The following NAALADL2 variants were observed in gnomAD, a reference collection of about 807,000 sequenced individuals.
NAALADL2 encodes inactive N-acetylated-alpha-linked acidic dipeptidase-like protein 2.
In NAALADL2, 76 loss-of-function variants were observed where a neutral mutation model predicts 87.2. The observed-to-expected ratio is 0.87, with a 90% CI of 0.72 to 1.05. The LOEUF is 1.05. NAALADL2 is among the 50% of genes least tolerant of loss of function. NAALADL2 has a pLI of 0.00. For synonymous variants in NAALADL2, 354 were observed against 331.0 expected, an observed-to-expected ratio of 1.07 and a Z score of -0.75; for missense variants, 1,089 against 945.8, an observed-to-expected ratio of 1.15 and a Z score of -1.99.
chr3:175,266,638 T>TAA (rs1751973680), intron 4 of NAALADL2, among the ~76,000 whole-genome samples: 1 of 151,808 alleles, frequency 6.6e-6, no homozygotes, highest in East Asian at 1.9e-4. Flanking sequence ...ACTCCTTTTA[T>TAA]AATTCTTATA....
At chr3:175,045,893 C>G (rs1045594781) in intron 1 of NAALADL2, among the ~76,000 whole-genome samples, 1 of 151,996 alleles carries the variant, frequency 6.6e-6, no homozygotes, top group African/African-American at 2.4e-5. Flanking sequence ...TTTTACTATT[C>G]GAGTATTCTT....
chr3:175,147,604 A>G lies in NAALADL2; in HGVS notation c.545+50313A>G, dbSNP rs528124815. Among the ~76,000 whole-genome samples the G allele has an allele frequency of 2.0e-5, 3 of 151,828 alleles. No homozygotes were observed. The South Asian group carries it at 6.2e-4, about 32-fold the overall frequency. On this transcript the variant is annotated intron_variant, in intron 2 of 13. Transcript: ENST00000454872. Reference sequence around the variant, plus strand: ...CAGTTTATTTTTGGGGGGGGTATATACTCAATAATGGGATTACTCGGTTGA... The same window carrying G: ...CAGTTTATTTTTGGGGGGGGTATATGCTCAATAATGGGATTACTCGGTTGA...
At chr3:174,824,238 AC>A (rs2109342280) in intron 3 of NAALADL2, among the ~76,000 whole-genome samples, 1 of 152,286 alleles carries the variant, frequency 6.6e-6, no homozygotes, top group Admixed American at 6.5e-5. Flanking sequence ...GTAAAATTTA[AC>A]ATTTTAATTT....
At chr3:174,622,200 T>C (rs1196578497) in intron 2 of NAALADL2, among the ~76,000 whole-genome samples, 4 of 152,188 alleles carry the variant, frequency 2.6e-5, no homozygotes, top group African/African-American at 9.7e-5. Context: ...CAAATGGATT[T>C]CTGGAATAAA....
intron 2 of NAALADL2, among the ~76,000 whole-genome samples, chr3:174,610,415 A>C (rs891428407): frequency 1.9e-4 from 29 of 151,894 alleles, no homozygotes; most frequent in African/African-American, 6.5e-4. Flanking sequence ...CAACCTACTC[A>C]TCTGACAAAG....
intron 9 of NAALADL2, among the ~76,000 whole-genome samples, chr3:175,478,496 CAA>C (rs982194779): frequency 6.6e-6 from 1 of 151,870 alleles, no homozygotes; most frequent in African/African-American, 2.4e-5. Context: ...ATTTAGATAA[CAA>C]GAGAAGTCTT....
intron 11 of NAALADL2, among the ~76,000 whole-genome samples, chr3:175,664,287 A>G (rs193284241): frequency 4.6e-5 from 7 of 152,196 alleles, no homozygotes; most frequent in Non-Finnish European, 7.4e-5. Context: ...TTTGGAAAAA[A>G]CAAACTTATT....
At chr3:174,917,536 T>C (rs1734576402) in intron 1 of NAALADL2, among the ~76,000 whole-genome samples, 1 of 152,124 alleles carries the variant, frequency 6.6e-6, no homozygotes, top group South Asian at 2.1e-4. Flanking sequence ...ATCTGCTGAA[T>C]ACTATTATTT....
chr3:174,521,909 C>G (rs962744403), intron 1 of NAALADL2, among the ~76,000 whole-genome samples: 3 of 152,000 alleles, frequency 2.0e-5, no homozygotes, highest in African/African-American at 7.3e-5. Context: ...TGTAACAAAT[C>G]TGCACATATG....
chr3:175,047,331 A>G lies in NAALADL2; in HGVS notation c.44-49459A>G, dbSNP rs537216548. Among the ~76,000 whole-genome samples, 3 of 152,274 alleles carry G rather than the reference A, an allele frequency of 2.0e-5. No homozygotes were observed. In the South Asian group the frequency reaches 6.2e-4, roughly 32 times the overall value. On this transcript the variant is annotated intron_variant, in intron 1 of 13. Transcript: ENST00000454872. ...TTTGCGAAAATGACAAAAAACATGTATTTCCCATAGCAGGGTGGCAATGGT... is the reference window on the plus strand; with the variant it reads ...TTTGCGAAAATGACAAAAAACATGTGTTTCCCATAGCAGGGTGGCAATGGT...
chr3:175,260,582 T>A (rs1750861936), intron 4 of NAALADL2, among the ~76,000 whole-genome samples: 1 of 152,194 alleles, frequency 6.6e-6, no homozygotes, highest in Non-Finnish European at 1.5e-5. Context: ...TAAAATGTAA[T>A]TCAGCTGGGT....
chr3:174,781,351 C>T (rs1366288412), intron 3 of NAALADL2, among the ~76,000 whole-genome samples: 1 of 151,728 alleles, frequency 6.6e-6, no homozygotes, highest in African/African-American at 2.4e-5. Flanking sequence ...GGAAGTTCTC[C>T]TGGATAATAT....
chr3:174,949,941 A>T (rs562222571), intron 1 of NAALADL2, among the ~76,000 whole-genome samples: 7 of 152,282 alleles, frequency 4.6e-5, no homozygotes, highest in Admixed American at 1.3e-4. Context: ...AGTTCTCAAG[A>T]TTGTTATCCA....
At chr3:175,542,288 A>G (rs1712490664) in intron 9 of NAALADL2, among the ~76,000 whole-genome samples, 1 of 152,240 alleles carries the variant, frequency 6.6e-6, no homozygotes, top group South Asian at 2.1e-4. Flanking sequence ...TTTGTGGAAA[A>G]TGAGCACATA....
chr3:174,612,046 A>G (rs1311500843), intron 2 of NAALADL2, among the ~76,000 whole-genome samples: 1 of 151,858 alleles, frequency 6.6e-6, no homozygotes, highest in East Asian at 1.9e-4. Flanking sequence ...TGTTTGAAAG[A>G]TATTTTCACT....
chr3:174,661,686 T>C (rs114923554), intron 2 of NAALADL2, among the ~76,000 whole-genome samples: 1 of 152,272 alleles, frequency 6.6e-6, no homozygotes, highest in Non-Finnish European at 1.5e-5. Flanking sequence ...ATATTGAACA[T>C]TGTATCCATT....
At chr3:175,129,471 T>A (rs1727469372) in intron 2 of NAALADL2, among the ~76,000 whole-genome samples, 1 of 152,102 alleles carries the variant, frequency 6.6e-6, no homozygotes. Flanking sequence ...CATCTCCCCA[T>A]TCCCCACCCC....
chr3:174,474,237 T>C (rs1210526286), intron 1 of NAALADL2, among the ~76,000 whole-genome samples: 1 of 152,198 alleles, frequency 6.6e-6, no homozygotes. Context: ...ATTTAACATA[T>C]TTCTACTGAA....
intron 9 of NAALADL2, among the ~76,000 whole-genome samples, chr3:175,500,871 G>GA (rs1466657825): frequency 6.6e-6 from 1 of 152,084 alleles, no homozygotes; most frequent in Non-Finnish European, 1.5e-5. Context: ...ATAGTGCATT[G>GA]AAAAATAATT....
Sources: allele counts gnomAD v4.1 joint callset (sites outside exome capture counted in the v4.1 genomes callset), GRCh38; gene constraint gnomAD v4.1.1; transcripts MANE v1.5; gene names NCBI Gene and HGNC (gene_info 2026-07-23, HGNC 2026-07-21).